ANKS1B: variants seen among roughly 807,000 people sequenced by gnomAD.
ANKS1B encodes ankyrin repeat and sterile alpha motif domain containing 1B.
In ANKS1B, 36 loss-of-function variants were observed where a neutral mutation model predicts 148.3. That is an observed-to-expected ratio of 0.24 (90% CI 0.19 to 0.32). The LOEUF (loss-of-function observed/expected upper bound fraction) is 0.32, where lower values mean the gene tolerates loss of function less well. Ranked by LOEUF, ANKS1B falls within the 10% of genes least tolerant of loss-of-function variation. ANKS1B has a pLI of 1.00. For synonymous variants in ANKS1B, 542 were observed against 560.8 expected, an observed-to-expected ratio of 0.97 and a Z score of 0.47; for missense variants, 1,157 against 1,542.6, an observed-to-expected ratio of 0.75 and a Z score of 4.19.
At chr12:98,869,265 G>C (rs1260192639) in intron 17 of ANKS1B, among the ~76,000 whole-genome samples, 2 of 152,184 alleles carry the variant, frequency 1.3e-5, no homozygotes, top group Non-Finnish European at 2.9e-5. Flanking sequence ...TTATTAAGAA[G>C]TGAATAGACC....
At chr12:99,208,639 T>C (rs1194967390) in intron 14 of ANKS1B, among the ~76,000 whole-genome samples, 1 of 152,142 alleles carries the variant, frequency 6.6e-6, no homozygotes. Flanking sequence ...GTCATACCAT[T>C]GGACTGGGTG....
At chr12:99,133,369 G>T (rs117247834) in intron 15 of ANKS1B, among the ~76,000 whole-genome samples, 5 of 151,968 alleles carry the variant, frequency 3.3e-5, no homozygotes, top group Non-Finnish European at 7.4e-5. Flanking sequence ...ATGTGACTAC[G>T]TCCCTAAGTA....
intron 9 of ANKS1B, among the ~76,000 whole-genome samples, chr12:99,580,887 T>G (rs2097563958): frequency 6.6e-6 from 1 of 152,200 alleles, no homozygotes; most frequent in African/African-American, 2.4e-5. Flanking sequence ...TGTGCCAATT[T>G]AAATAAAAAT....
intron 8 of ANKS1B, among the ~76,000 whole-genome samples, chr12:99,739,839 T>C (rs1052909774): frequency 1.3e-5 from 2 of 152,216 alleles, no homozygotes; most frequent in Non-Finnish European, 1.5e-5. Context: ...CTCTGAGCAT[T>C]CCATGTAAGC....
At chr12:99,074,340 A>C (rs1022416771) in intron 16 of ANKS1B, among the ~76,000 whole-genome samples, 14 of 152,234 alleles carry the variant, frequency 9.2e-5, no homozygotes, top group East Asian at 5.8e-4. Flanking sequence ...AAAAAAAAAA[A>C]AAACACTAAA....
At chr12:99,733,272 T>C (rs905991474) in intron 8 of ANKS1B, among the ~76,000 whole-genome samples, 1 of 152,176 alleles carries the variant, frequency 6.6e-6, no homozygotes, top group African/African-American at 2.4e-5. Context: ...CAACATACAA[T>C]TACAACATAG....
chr12:99,469,306 G>A (rs1196941020), intron 10 of ANKS1B, among the ~76,000 whole-genome samples: 1 of 112,086 alleles, frequency 8.9e-6, no homozygotes, highest in Non-Finnish European at 1.8e-5. Flanking sequence ...GGGGGGAGGG[G>A]GGAGGGATAG....
intron 12 of ANKS1B, among the ~76,000 whole-genome samples, chr12:99,348,779 T>C (rs1351548492): frequency 1.3e-5 from 2 of 151,880 alleles, no homozygotes; most frequent in Non-Finnish European, 2.9e-5. Context: ...ACTGGTACTG[T>C]AAGAAATGTT....
At chr12:99,919,249 G>A (rs2094273273) in intron 1 of ANKS1B, among the ~76,000 whole-genome samples, 1 of 152,044 alleles carries the variant, frequency 6.6e-6, no homozygotes, top group Admixed American at 6.6e-5. Context: ...CCTGCTATGT[G>A]GCCTAGGACA....
chr12:98,792,852 T>C (rs1213120016), intron 22 of ANKS1B, among the ~76,000 whole-genome samples: 2 of 152,248 alleles, frequency 1.3e-5, no homozygotes, highest in African/African-American at 4.8e-5. Context: ...CGCATTCATC[T>C]GTTGATGGAC....
At position 99,072,639 on chromosome 12, in the gene ANKS1B, G is replaced by GT. The variant is rs2046626617; in HGVS notation, c.2625+12285dup. 2.0e-5 allele frequency among the ~76,000 whole-genome samples: 3 copies of GT among 152,110 alleles called. 1 individual carries two copies. The South Asian group carries it at 6.2e-4, about 32-fold the overall frequency. On this transcript the variant is annotated intron_variant, in intron 16 of 26. Transcript: ENST00000683438. ...TCCTTAGGGTGCTTTGAAGTACAGCGTTTAGACAATACAGTGGGGTGGTTA... is the reference window on the plus strand; with the variant it reads ...TCCTTAGGGTGCTTTGAAGTACAGCGTTTTAGACAATACAGTGGGGTGGTTA...
chr12:99,778,323 C>T (rs2063896808), intron 6 of ANKS1B, among the ~76,000 whole-genome samples: 1 of 152,004 alleles, frequency 6.6e-6, no homozygotes, highest in African/African-American at 2.4e-5. Context: ...GACTGGCCAA[C>T]ATGGTAAAAC....
At chr12:99,280,204 G>A (rs144678703) in intron 12 of ANKS1B, among the ~76,000 whole-genome samples, 238 of 148,734 alleles carry the variant, frequency 1.6e-3, no homozygotes, top group African/African-American at 5.9e-3. Flanking sequence ...GTGTGTGTGT[G>A]AGAGAGAGAG....
chr12:98,753,423 C>T (rs4762508), intron 25 of ANKS1B, among the ~76,000 whole-genome samples: 72,943 of 151,630 alleles, frequency 0.48, 17,985 homozygotes, highest in African/African-American at 0.58. Context: ...CTGCCCCAAG[C>T]TTTCTTTTTT....
chr12:98,768,003 A>G (rs994374212), intron 25 of ANKS1B, among the ~76,000 whole-genome samples: 2 of 151,636 alleles, frequency 1.3e-5, no homozygotes, highest in Non-Finnish European at 2.9e-5. Context: ...AACTCTCACA[A>G]CTCCTAGTCT....
At chr12:99,167,753 T>C (rs1230509575) in intron 14 of ANKS1B, among the ~76,000 whole-genome samples, 2 of 150,478 alleles carry the variant, frequency 1.3e-5, no homozygotes, top group Admixed American at 1.3e-4. Flanking sequence ...ATAGGCATGT[T>C]TACAGCAGCT....
In ANKS1B at chr12:99,192,718, TTATAA is replaced by T. The variant is rs138701812; in HGVS notation, c.2420-38328_2420-38324del. 4.1e-3 allele frequency among the ~76,000 whole-genome samples: 621 copies of T among 152,204 alleles called. 21 individuals are homozygous for T. The East Asian group carries it at 0.084, about 21-fold the overall frequency. ...AATAAAGCATGACGTCAACCATCTG[TTATAA>T]TATAACACTGCATTTTCTTACATTC... On this transcript the variant is annotated intron_variant, in intron 14 of 26. Transcript: ENST00000683438.
chr12:99,281,509 A>G (rs1219988973), intron 12 of ANKS1B, among the ~76,000 whole-genome samples: 1 of 152,190 alleles, frequency 6.6e-6, no homozygotes, highest in Admixed American at 6.6e-5. Flanking sequence ...CAATGTTCAG[A>G]TCTGACTCAT....
At chr12:99,553,683 C>A (rs1458059077) in intron 9 of ANKS1B, among the ~76,000 whole-genome samples, 2 of 152,188 alleles carry the variant, frequency 1.3e-5, no homozygotes, top group East Asian at 3.9e-4. Context: ...TTGCAGATTA[C>A]TCTTAAGTAA....
Sources: allele counts gnomAD v4.1 joint callset (sites outside exome capture counted in the v4.1 genomes callset), GRCh38; gene constraint gnomAD v4.1.1; transcripts MANE v1.5; gene names NCBI Gene and HGNC (gene_info 2026-07-23, HGNC 2026-07-21).